Variants in PPARGC1A observed in about 807,000 individuals in gnomAD.
PPARGC1A encodes PPARG coactivator 1 alpha.
Under a neutral mutation model 88.7 loss-of-function variants are expected in PPARGC1A, and 25 were observed. The observed-to-expected ratio is 0.28, with a 90% confidence interval of 0.21 to 0.39. PPARGC1A has a LOEUF of 0.39. PPARGC1A is among the 10% of genes least tolerant of loss of function. PPARGC1A has a pLI of 1.00. For synonymous variants in PPARGC1A, 363 were observed against 355.6 expected, an observed-to-expected ratio of 1.02 and a Z score of -0.24; for missense variants, 880 against 968.7, an observed-to-expected ratio of 0.91 and a Z score of 1.22.
At chr4:24,217,635 T>C in the PPARGC1A span, among the ~76,000 whole-genome samples, 18 of 152,092 alleles carry the variant, frequency 1.2e-4, no homozygotes, top group South Asian at 2.1e-4. Flanking sequence ...AAACCTCATC[T>C]CTCCTAAAAA....
chr4:24,021,409 T>TCCCC, the PPARGC1A span, among the ~76,000 whole-genome samples: 1 of 152,214 alleles, frequency 6.6e-6, no homozygotes, highest in Admixed American at 6.5e-5. Flanking sequence ...GTTTATTCAT[T>TCCCC]CCTTCCTCAG....
chr4:23,958,215 C>T, the PPARGC1A span, among the ~76,000 whole-genome samples: 1 of 152,046 alleles, frequency 6.6e-6, no homozygotes, highest in South Asian at 2.1e-4. Flanking sequence ...CATCATTTTA[C>T]TTACTTTTCA....
chr4:24,280,715 A>G, the PPARGC1A span, among the ~76,000 whole-genome samples: 1 of 152,230 alleles, frequency 6.6e-6, no homozygotes, highest in Non-Finnish European at 1.5e-5. Context: ...CTTAATCTCC[A>G]ATGGTGCAAT....
the PPARGC1A span, among the ~76,000 whole-genome samples, chr4:24,306,587 C>T: frequency 1.1e-4 from 16 of 152,316 alleles, no homozygotes; most frequent in South Asian, 4.1e-4. Context: ...TGGTGATATA[C>T]GGCTTGATTG....
At chr4:24,455,807 G>T in the PPARGC1A span, among the ~76,000 whole-genome samples, 1,222 of 152,228 alleles carry the variant, frequency 8.0e-3, 7 homozygotes, top group Non-Finnish European at 0.012. Flanking sequence ...CAACACGAAG[G>T]CCCTCACCAA....
At chr4:24,386,144 A>G in the PPARGC1A span, among the ~76,000 whole-genome samples, 1 of 152,186 alleles carries the variant, frequency 6.6e-6, no homozygotes, top group Non-Finnish European at 1.5e-5. Flanking sequence ...AAAAAACCAC[A>G]TGATTATCTC....
chr4:24,368,033 T>A, the PPARGC1A span, among the ~76,000 whole-genome samples: 1 of 152,136 alleles, frequency 6.6e-6, no homozygotes, highest in Admixed American at 6.6e-5. Context: ...GGAAAAGATA[T>A]CAACATTATG....
chr4:24,449,121 A>G, the PPARGC1A span, among the ~76,000 whole-genome samples: 1,234 of 152,266 alleles, frequency 8.1e-3, 30 homozygotes, highest in Admixed American at 0.056. Context: ...TCACCAACGA[A>G]GGCAGTTTCC....
At chr4:24,331,713 C>T in the PPARGC1A span, among the ~76,000 whole-genome samples, 13 of 151,922 alleles carry the variant, frequency 8.6e-5, no homozygotes, top group Non-Finnish European at 1.9e-4. Context: ...TGCAACCTTC[C>T]ACTTCTCATG....
chr4:24,062,703 C>T, the PPARGC1A span, among the ~76,000 whole-genome samples: 1 of 152,218 alleles, frequency 6.6e-6, no homozygotes, highest in Admixed American at 6.5e-5. Context: ...GGTGAAGCAC[C>T]ATCCCATCCC....
chr4:24,426,927 C>T, the PPARGC1A span, among the ~76,000 whole-genome samples: 1 of 152,180 alleles, frequency 6.6e-6, no homozygotes. Context: ...GACTCGGGTA[C>T]ATTTTGACCT....
chr4:23,893,830 A>G (rs570420696), upstream of PPARGC1A, among the ~76,000 whole-genome samples: 11 of 152,314 alleles, frequency 7.2e-5, no homozygotes, highest in South Asian at 1.4e-3. Context: ...GAATATATGT[A>G]TGCAGAAACT....
chr4:24,463,107 T>C, the PPARGC1A span, among the ~76,000 whole-genome samples: 1 of 152,196 alleles, frequency 6.6e-6, no homozygotes, highest in Non-Finnish European at 1.5e-5. Context: ...CTGACTCCCA[T>C]CATTAGATAC....
chr4:23,813,357 C>G (rs991597347), intron 8 of PPARGC1A, among the ~76,000 whole-genome samples: 5 of 152,168 alleles, frequency 3.3e-5, no homozygotes, highest in African/African-American at 1.2e-4. Context: ...AGCACCAGGT[C>G]TGGTACACTG....
the PPARGC1A span, among the ~76,000 whole-genome samples, chr4:24,037,466 AG>A: frequency 6.6e-6 from 1 of 152,202 alleles, no homozygotes; most frequent in East Asian, 1.9e-4. Context: ...TACCTAAGAA[AG>A]GCCACAAGAT....
chr4:24,449,352 C>A, the PPARGC1A span, among the ~76,000 whole-genome samples: 2 of 152,310 alleles, frequency 1.3e-5, no homozygotes, highest in Admixed American at 1.3e-4. Flanking sequence ...TCCTGTGCAA[C>A]GGGCATAGGA....
At chr4:24,394,774 A>G in the PPARGC1A span, among the ~76,000 whole-genome samples, 21 of 152,344 alleles carry the variant, frequency 1.4e-4, no homozygotes, top group African/African-American at 4.8e-4. Flanking sequence ...AGAAAGAAAA[A>G]TGCTGCCAAT....
At chr4:24,375,318 G>A in the PPARGC1A span, among the ~76,000 whole-genome samples, 3 of 152,226 alleles carry the variant, frequency 2.0e-5, no homozygotes, top group Non-Finnish European at 4.4e-5. Context: ...CTCAAAGTCC[G>A]ATTTGTCAAG....
the PPARGC1A span, among the ~76,000 whole-genome samples, chr4:23,950,672 G>A: frequency 1.3e-5 from 2 of 152,132 alleles, no homozygotes; most frequent in Admixed American, 1.3e-4. Flanking sequence ...AGGATCCTGT[G>A]TGACAATGGA....
Sources: allele counts gnomAD v4.1 joint callset (sites outside exome capture counted in the v4.1 genomes callset), GRCh38; gene constraint gnomAD v4.1.1; transcripts MANE v1.5; gene names NCBI Gene and HGNC (gene_info 2026-07-23, HGNC 2026-07-21).